FAM200B: variants seen among roughly 807,000 people sequenced by gnomAD.
FAM200B encodes protein FAM200B.
In FAM200B, 32 loss-of-function variants were observed where a neutral mutation model predicts 33.1. The observed-to-expected ratio is 0.97, with a 90% confidence interval of 0.73 to 1.30. FAM200B has a LOEUF of 1.30. Ranked by LOEUF, FAM200B falls within the 50% of genes most tolerant of loss-of-function variation. FAM200B has a pLI of 0.00. For missense variants in FAM200B, 741 were observed against 754.0 expected (o/e 0.98, Z 0.20); for synonymous variants, 240 against 264.8 (o/e 0.91, Z 0.91).
the FAM200B span, among the ~76,000 whole-genome samples, chr4:15,644,229 T>C: frequency 1.8e-4 from 28 of 152,218 alleles, no homozygotes; most frequent in African/African-American, 6.8e-4. Flanking sequence ...TAGTTTTCCA[T>C]CCACTCTTCC....
chr4:15,689,211 G>A lies in FAM200B; in HGVS notation c.*260G>A, dbSNP rs1186997631. 1.3e-5 allele frequency: 4 copies of A among 312,098 alleles called. No homozygotes were observed. Among genetic ancestry groups the A allele is most frequent in the Non-Finnish European group, 2.4e-5 (4 of 164,734 alleles). The allele number at this position is 312,098 out of a possible 1,614,324, so 19.3% of individuals were successfully genotyped here. A position where few individuals can be genotyped will look rare whatever the true frequency, so the allele number is the denominator to read the frequency against. On this transcript the variant is annotated 3_prime_UTR_variant, in exon 2 of 2. Transcript: ENST00000422728. ...CTAGTAGAGTTTATATCCTGGCAAG[G>A]AGAAATTGACAATAAACCTAATAAA...
At position 15,687,466 on chromosome 4, in the gene FAM200B, T is replaced by C. The variant is rs760593138; in HGVS notation, c.489T>C (p.Ala163=). ...VAYRVAKEKI[A]NTAAEKIILP... ...ATCGTGTGGCAAAAGAGAAAATAGC[T>C]AACACAGCTGCTGAAAAAATTATTC... The change falls in exon 2 of 2, where the codon GCT becomes GCC. Residue 163 remains alanine (A), a synonymous_variant. Coordinates refer to ENST00000422728, the MANE Select transcript of FAM200B (RefSeq NM_001145191.2). The C allele has an allele frequency of 1.8e-5, 28 of 1,551,204 alleles. No individual in the cohort carries two copies. The highest frequency in any genetic ancestry group is 5.2e-6 in the Non-Finnish European group (6 of 1,146,738).
the FAM200B span, among the ~76,000 whole-genome samples, chr4:15,664,016 TAAAG>T: frequency 6.6e-6 from 1 of 152,204 alleles, no homozygotes; most frequent in Non-Finnish European, 1.5e-5. Flanking sequence ...ATGAAAAACT[TAAAG>T]AAGCTACATA....
At chr4:15,641,583 G>T in the FAM200B span, 1 of 456,968 alleles carries the variant, frequency 2.2e-6, no homozygotes, top group African/African-American at 1.9e-5. Flanking sequence ...ATTGTTATTC[G>T]ATTGTTTTAT....
chr4:15,659,230 T>C, the FAM200B span, among the ~76,000 whole-genome samples: 1 of 152,222 alleles, frequency 6.6e-6, no homozygotes, highest in African/African-American at 2.4e-5. Flanking sequence ...TAGGCATACA[T>C]AGTAGGCATA....
chr4:15,664,919 A>G, the FAM200B span, among the ~76,000 whole-genome samples: 404 of 152,178 alleles, frequency 2.7e-3, 2 homozygotes, highest in African/African-American at 9.2e-3. Flanking sequence ...TACAAATGTC[A>G]CAATATCATT....
At chr4:15,640,821 T>G in the FAM200B span, 2 of 1,570,564 alleles carry the variant, frequency 1.3e-6, no homozygotes, top group African/African-American at 2.8e-5. Flanking sequence ...GAAGAAAATC[T>G]CTTGTAAAAG....
intron 1 of FAM200B, chr4:15,684,797 TGTCCTC>T (rs1467405649): frequency 5.3e-5 from 8 of 152,246 alleles, no homozygotes; most frequent in Non-Finnish European, 1.0e-4. Context: ...GTCCTGCTAA[TGTCCTC>T]GACAGAGGAC....
chr4:15,655,143 C>G, the FAM200B span: 2 of 1,293,612 alleles, frequency 1.5e-6, no homozygotes, highest in Non-Finnish European at 2.0e-6. Context: ...GCCCCAAGAA[C>G]CCAGCCCGCT....
the FAM200B span, among the ~76,000 whole-genome samples, chr4:15,649,850 CAG>C: frequency 1.3e-5 from 2 of 152,062 alleles, no homozygotes; most frequent in Non-Finnish European, 2.9e-5. Flanking sequence ...GACTAACAAA[CAG>C]AGTCTCAGGA....
chr4:15,653,305 C>G, the FAM200B span, among the ~76,000 whole-genome samples: 2 of 152,084 alleles, frequency 1.3e-5, no homozygotes, highest in Admixed American at 6.6e-5. Flanking sequence ...AGACTCTTGG[C>G]TCAGATATCT....
chr4:15,654,781 G>A, the FAM200B span, among the ~76,000 whole-genome samples: 2 of 152,172 alleles, frequency 1.3e-5, no homozygotes, highest in African/African-American at 2.4e-5. Context: ...GACGGGGGAC[G>A]GGAACAACTA....
At chr4:15,671,358 A>G in the FAM200B span, among the ~76,000 whole-genome samples, 1 of 152,176 alleles carries the variant, frequency 6.6e-6, no homozygotes, top group Non-Finnish European at 1.5e-5. Context: ...GTCACTTGAA[A>G]ACAGTACCTT....
chr4:15,670,922 T>TC, the FAM200B span, among the ~76,000 whole-genome samples: 1 of 136,854 alleles, frequency 7.3e-6, no homozygotes, highest in African/African-American at 2.8e-5. Flanking sequence ...GACTTTTTTT[T>TC]TTTTTTTTTT....
chr4:15,653,858 C>T, the FAM200B span, among the ~76,000 whole-genome samples: 1 of 152,188 alleles, frequency 6.6e-6, no homozygotes, highest in Non-Finnish European at 1.5e-5. Flanking sequence ...ATCATTTATA[C>T]CTGATGTCTG....
the FAM200B span, chr4:15,638,616 A>T: frequency 6.2e-7 from 1 of 1,613,274 alleles, no homozygotes; most frequent in Non-Finnish European, 8.5e-7. Context: ...TTCTGAGAGC[A>T]GTGTTGTGCA....
intron 1 of FAM200B, among the ~76,000 whole-genome samples, chr4:15,682,192 A>G (rs1718362232): frequency 6.6e-6 from 1 of 152,226 alleles, no homozygotes. Flanking sequence ...GGTACCTGGC[A>G]GTTTCCACTC....
the FAM200B span, among the ~76,000 whole-genome samples, chr4:15,661,058 CAG>C: frequency 6.7e-6 from 1 of 149,712 alleles, no homozygotes; most frequent in South Asian, 2.1e-4. Context: ...GCCTGGGTGA[CAG>C]AGCAAGGCTC....
chr4:15,661,550 A>C, the FAM200B span, among the ~76,000 whole-genome samples: 1 of 152,350 alleles, frequency 6.6e-6, no homozygotes, highest in East Asian at 1.9e-4. Context: ...TAATTCTACA[A>C]ATTAACTGGA....
Sources: gnomAD v4.1 joint callset for allele counts (sites outside exome capture counted in the v4.1 genomes callset) on GRCh38, gnomAD v4.1.1 for gene constraint, MANE v1.5 for transcripts, NCBI Gene and HGNC (gene_info 2026-07-23, HGNC 2026-07-21) for gene names.